The following CNTN4 variants were observed in gnomAD, a reference collection of about 807,000 sequenced individuals.
CNTN4 encodes contactin-4.
CNTN4 carries 77 observed loss-of-function variants against 122.5 expected under a neutral mutation model. The observed-to-expected ratio is 0.63, with a 90% CI of 0.52 to 0.76. The LOEUF is 0.76. CNTN4 is among the 30% of genes least tolerant of loss of function. The pLI is 0.00. For synonymous variants in CNTN4, 512 were observed against 447.0 expected (o/e 1.15, Z -1.83); for missense variants, 1,256 against 1,259.1 (o/e 1.00, Z 0.04).
At chr3:2,497,184 A>G (rs1001025984) in intron 3 of CNTN4, among the ~76,000 whole-genome samples, 2 of 152,154 alleles carry the variant, frequency 1.3e-5, no homozygotes, top group Admixed American at 6.5e-5. Flanking sequence ...TTCTTCTTTC[A>G]TATGTATTTC....
At chr3:2,767,264 T>A (rs2090903186) in intron 6 of CNTN4, among the ~76,000 whole-genome samples, 1 of 152,172 alleles carries the variant, frequency 6.6e-6, no homozygotes. Context: ...GTGATATTGA[T>A]CTGGGGAGAG....
At chr3:2,388,412 A>C (rs541497440) in intron 3 of CNTN4, among the ~76,000 whole-genome samples, 1 of 152,210 alleles carries the variant, frequency 6.6e-6, no homozygotes, top group Non-Finnish European at 1.5e-5. Context: ...AGGAGCCCAC[A>C]CTGGCCTCCC....
chr3:2,302,358 G>A (rs534858590), intron 2 of CNTN4, among the ~76,000 whole-genome samples: 1 of 152,292 alleles, frequency 6.6e-6, no homozygotes, highest in East Asian at 1.9e-4. Context: ...AACCCAGGAG[G>A]TGGAGTTTAC....
Position 2,137,411 on chromosome 3 carries a change from T to G in CNTN4, c.-145+36772T>G, listed in dbSNP as rs149683217. On this transcript the variant is annotated intron_variant, in intron 2 of 24. Coordinates refer to ENST00000418658, the MANE Select transcript of CNTN4 (RefSeq NM_175607.3). ...TGAAGGGAAGACAGAAACCACTTAT[T>G]CTGTTTCTTAACTCTGGAAGTATAG... is the stretch of plus-strand genomic sequence containing the variant. Among the ~76,000 whole-genome samples, 119 of 152,306 alleles carry G rather than the reference T, an allele frequency of 7.8e-4. No individual in the cohort carries two copies. In the East Asian group the frequency reaches 0.019, roughly 25 times the overall value.
intron 3 of CNTN4, among the ~76,000 whole-genome samples, chr3:2,364,538 T>C (rs968195810): frequency 1.3e-5 from 2 of 152,044 alleles, no homozygotes; most frequent in African/African-American, 2.4e-5. Flanking sequence ...CAAAAGAACC[T>C]TCTGGCATTT....
chr3:2,440,152 A>G (rs766088591), intron 3 of CNTN4, among the ~76,000 whole-genome samples: 6 of 152,140 alleles, frequency 3.9e-5, no homozygotes, highest in Non-Finnish European at 7.4e-5. Context: ...TTAAAAAATT[A>G]TTATTATACT....
At chr3:2,786,149 A>T (rs983301170) in intron 6 of CNTN4, among the ~76,000 whole-genome samples, 12 of 151,834 alleles carry the variant, frequency 7.9e-5, no homozygotes, top group Non-Finnish European at 1.8e-4. Context: ...AGCCACTTTC[A>T]TTGGCAGTAA....
intron 3 of CNTN4, among the ~76,000 whole-genome samples, chr3:2,556,283 T>G (rs866979416): frequency 1.5e-4 from 23 of 152,188 alleles, no homozygotes; most frequent in Admixed American, 6.5e-4. Context: ...AGCCTCACCT[T>G]AACGTCTGTT....
intron 13 of CNTN4, among the ~76,000 whole-genome samples, chr3:2,945,901 T>C (rs9828570): frequency 0.029 from 4,430 of 152,222 alleles, 206 homozygotes; most frequent in African/African-American, 0.1. Flanking sequence ...TCAAATTCAT[T>C]TGGAATTTTT....
intron 4 of CNTN4, among the ~76,000 whole-genome samples, chr3:2,671,377 C>T (rs956205165): frequency 9.9e-5 from 15 of 152,138 alleles, no homozygotes; most frequent in Non-Finnish European, 2.1e-4. Flanking sequence ...TCCAGTTGAT[C>T]GAATCGGCTA....
intron 2 of CNTN4, among the ~76,000 whole-genome samples, chr3:2,295,522 G>T (rs935557741): frequency 2.0e-4 from 31 of 151,648 alleles, no homozygotes; most frequent in Non-Finnish European, 4.1e-4. Context: ...TTTTGATGGG[G>T]TTGTTTGTTT....
chr3:2,729,976 G>A (rs1447102881), intron 4 of CNTN4, among the ~76,000 whole-genome samples: 1 of 152,140 alleles, frequency 6.6e-6, no homozygotes, highest in African/African-American at 2.4e-5. Context: ...CTCAAATGCT[G>A]TTTTCTGAGT....
chr3:2,723,397 A>G (rs1329833379), intron 4 of CNTN4, among the ~76,000 whole-genome samples: 1 of 152,212 alleles, frequency 6.6e-6, no homozygotes, highest in Non-Finnish European at 1.5e-5. Flanking sequence ...AGACTATATT[A>G]TGCATAAAGA....
At chr3:2,498,756 A>G (rs2076518758) in intron 3 of CNTN4, among the ~76,000 whole-genome samples, 1 of 151,590 alleles carries the variant, frequency 6.6e-6, no homozygotes, top group South Asian at 2.1e-4. Flanking sequence ...GGCTGGTATT[A>G]CATGTGTGAG....
intron 4 of CNTN4, among the ~76,000 whole-genome samples, chr3:2,604,193 T>C (rs1475708582): frequency 1.3e-5 from 2 of 152,154 alleles, no homozygotes; most frequent in East Asian, 3.8e-4. Flanking sequence ...CCACACCATG[T>C]GTTTTTGTAT....
At chr3:2,555,961 C>G (rs2149391334) in intron 3 of CNTN4, among the ~76,000 whole-genome samples, 1 of 152,230 alleles carries the variant, frequency 6.6e-6, no homozygotes, top group South Asian at 2.1e-4. Context: ...CCAGGTTCAT[C>G]CCTTAGACAG....
chr3:2,301,593 C>T (rs988360176), intron 2 of CNTN4, among the ~76,000 whole-genome samples: 1 of 152,070 alleles, frequency 6.6e-6, no homozygotes, highest in Admixed American at 6.5e-5. Flanking sequence ...TGTTTTATTC[C>T]TTTTGATTTG....
intron 6 of CNTN4, among the ~76,000 whole-genome samples, chr3:2,781,942 C>G (rs1033122577): frequency 1.4e-5 from 2 of 148,088 alleles, no homozygotes; most frequent in Non-Finnish European, 3.0e-5. Context: ...CCAGGATGGT[C>G]TCGATCTCCT....
At chr3:2,984,080 TA>T (rs11321033) in intron 13 of CNTN4, among the ~76,000 whole-genome samples, 76,193 of 151,930 alleles carry the variant, frequency 0.5, 19,804 homozygotes, top group African/African-American at 0.63. Context: ...TAATAGTTTA[TA>T]AAAATTATTT....
Sources: allele counts gnomAD v4.1 joint callset (sites outside exome capture counted in the v4.1 genomes callset), GRCh38; gene constraint gnomAD v4.1.1; transcripts MANE v1.5; gene names NCBI Gene and HGNC (gene_info 2026-07-23, HGNC 2026-07-21).